The following ANO3 variants were observed in gnomAD, a reference collection of about 807,000 sequenced individuals.
ANO3 encodes anoctamin-3.
In ANO3, 99 loss-of-function variants were observed where a neutral mutation model predicts 144.8. The observed-to-expected ratio is 0.68, with a 90% CI of 0.58 to 0.81. The LOEUF (loss-of-function observed/expected upper bound fraction) is 0.81. ANO3 is among the 30% of genes least tolerant of loss of function. The pLI is 0.00. For synonymous variants in ANO3, 414 were observed against 392.6 expected (o/e 1.05, Z -0.64); for missense variants, 905 against 1,202.2 (o/e 0.75, Z 3.66).
intron 1 of ANO3, among the ~76,000 whole-genome samples, chr11:26,206,026 G>C (rs1186840002): frequency 1.3e-5 from 2 of 152,122 alleles, no homozygotes; most frequent in East Asian, 3.8e-4. Flanking sequence ...ATATATCATA[G>C]AAGCTTACAA....
At chr11:26,552,010 T>A (rs1009538122) in intron 12 of ANO3, among the ~76,000 whole-genome samples, 12 of 152,000 alleles carry the variant, frequency 7.9e-5, no homozygotes, top group Admixed American at 6.6e-4. Context: ...TTAGATATAG[T>A]TGATGGAGAA....
At chr11:26,358,149 A>C (rs78991792) in intron 1 of ANO3, among the ~76,000 whole-genome samples, 2,115 of 151,142 alleles carry the variant, frequency 0.014, 49 homozygotes, top group East Asian at 0.11. Flanking sequence ...TTTTTACATG[A>C]AGCTTAGAAT....
chr11:26,297,834 A>T (rs1854128390), intron 1 of ANO3, among the ~76,000 whole-genome samples: 1 of 152,154 alleles, frequency 6.6e-6, no homozygotes, highest in African/African-American at 2.4e-5. Context: ...TGTTTATATC[A>T]GGGAAAGGAG....
intron 4 of ANO3, among the ~76,000 whole-genome samples, chr11:26,491,574 G>A (rs1468707857): frequency 2.6e-5 from 4 of 152,188 alleles, no homozygotes; most frequent in African/African-American, 9.7e-5. Context: ...GCGTGTTAGA[G>A]GGCTTCATAC....
chr11:26,555,572 A>G (rs1409344935), intron 13 of ANO3, among the ~76,000 whole-genome samples: 1 of 152,194 alleles, frequency 6.6e-6, no homozygotes, highest in Non-Finnish European at 1.5e-5. Flanking sequence ...ACTTAATAAC[A>G]TGTATAAGGA....
rs569449303 is a variant in ANO3, at chr11:26,222,624, G to A, written c.154+33294G>A. On this transcript the variant is annotated intron_variant, in intron 1 of 27. Transcript: ENST00000672621. ...TTCTGCCGGAGAATCCAGGCTTTCC[G>A]TATATTCTCTGAAAATTAGGTGAAA... Among the ~76,000 whole-genome samples, 5 of 152,328 alleles carry A rather than the reference G, an allele frequency of 3.3e-5. No homozygotes were observed. In the South Asian group the frequency reaches 8.3e-4, roughly 25 times the overall value.
chr11:26,266,853 G>A (rs565467090), intron 1 of ANO3, among the ~76,000 whole-genome samples: 244 of 151,518 alleles, frequency 1.6e-3, no homozygotes, highest in Middle Eastern at 3.4e-3. Context: ...AGGCCGAGGC[G>A]GGCGGATCAC....
chr11:26,232,608 T>C (rs1852425545), intron 1 of ANO3, among the ~76,000 whole-genome samples: 1 of 152,136 alleles, frequency 6.6e-6, no homozygotes, highest in Non-Finnish European at 1.5e-5. Context: ...GAACCCTACC[T>C]TACACCTTAT....
chr11:26,385,893 G>A (rs59251220), intron 1 of ANO3, among the ~76,000 whole-genome samples: 31,103 of 142,808 alleles, frequency 0.22, 3,684 homozygotes, highest in African/African-American at 0.32. Context: ...CTTTGTGTGT[G>A]TATATATATT....
intron 14 of ANO3, among the ~76,000 whole-genome samples, chr11:26,568,238 TAAAC>T (rs982358960): frequency 2.6e-5 from 4 of 152,038 alleles, no homozygotes; most frequent in Admixed American, 6.6e-5. Context: ...TAACCAAAAA[TAAAC>T]AAATGGTGAA....
At chr11:26,601,501 A>G (rs55679016) in intron 17 of ANO3, among the ~76,000 whole-genome samples, 2,899 of 151,776 alleles carry the variant, frequency 0.019, 34 homozygotes, top group Non-Finnish European at 0.028. Context: ...AAAATAATTT[A>G]TGCTCTTGAC....
chr11:26,603,062 A>T (rs1851843710), intron 17 of ANO3, among the ~76,000 whole-genome samples: 1 of 152,216 alleles, frequency 6.6e-6, no homozygotes, highest in African/African-American at 2.4e-5. Context: ...TTTTTAAAAA[A>T]TTTTAAATAA....
At chr11:26,305,374 T>G (rs896224732), upstream of ANO3, among the ~76,000 whole-genome samples, 1 of 152,100 alleles carries the variant, frequency 6.6e-6, no homozygotes, top group African/African-American at 2.4e-5. Flanking sequence ...CCAAAACTCA[T>G]TCAAGATGAC....
chr11:26,567,527 A>C (rs2134275896), intron 14 of ANO3, among the ~76,000 whole-genome samples: 1 of 152,108 alleles, frequency 6.6e-6, no homozygotes, highest in African/African-American at 2.4e-5. Context: ...CTTACATAAT[A>C]ATTTCTCACA....
intron 4 of ANO3, among the ~76,000 whole-genome samples, chr11:26,463,994 AG>A (rs1859509740): frequency 6.6e-6 from 1 of 151,742 alleles, no homozygotes; most frequent in African/African-American, 2.4e-5. Flanking sequence ...GGAATGACTT[AG>A]GTTTCAATTT....
At chr11:26,405,692 C>T (rs1164892000) in intron 1 of ANO3, among the ~76,000 whole-genome samples, 3 of 151,906 alleles carry the variant, frequency 2.0e-5, no homozygotes, top group South Asian at 2.1e-4. Context: ...AAATAATTTA[C>T]TTTCTCTTAC....
chr11:26,613,248 T>C (rs1565142984), intron 17 of ANO3, among the ~76,000 whole-genome samples: 1 of 152,186 alleles, frequency 6.6e-6, no homozygotes, highest in Non-Finnish European at 1.5e-5. Context: ...AGCTTAAAAA[T>C]ATATTATTTG....
intron 1 of ANO3, among the ~76,000 whole-genome samples, chr11:26,205,932 G>A (rs970972947): frequency 2.0e-5 from 3 of 152,190 alleles, no homozygotes; most frequent in Admixed American, 2.0e-4. Flanking sequence ...GGTAGAGACA[G>A]CAAGAAACAT....
chr11:26,270,534 G>C (rs1224253906), intron 1 of ANO3, among the ~76,000 whole-genome samples: 1 of 152,080 alleles, frequency 6.6e-6, no homozygotes, highest in Non-Finnish European at 1.5e-5. Context: ...ATTCTTCAGT[G>C]CTTATGTTTA....
Sources: gnomAD v4.1 joint callset for allele counts (sites outside exome capture counted in the v4.1 genomes callset) on GRCh38, gnomAD v4.1.1 for gene constraint, MANE v1.5 for transcripts, NCBI Gene and HGNC (gene_info 2026-07-23, HGNC 2026-07-21) for gene names.